MAP2K6: variants seen among roughly 807,000 people sequenced by gnomAD.
MAP2K6 encodes the protein mitogen-activated protein kinase kinase 6.
A neutral mutation model predicts 53.7 loss-of-function variants in MAP2K6; 16 were observed. That is an observed-to-expected ratio of 0.30 (90% CI 0.20 to 0.45). The LOEUF (loss-of-function observed/expected upper bound fraction) is 0.45. Ranked by LOEUF, MAP2K6 falls within the 20% of genes least tolerant of loss-of-function variation. The probability of loss-of-function intolerance (pLI) is 1.00; values close to 1 mark genes in which losing one functional copy is unlikely to be tolerated. For missense variants in MAP2K6, 204 were observed against 411.9 expected (o/e 0.50, Z 4.37); for synonymous variants, 132 against 143.1 (o/e 0.92, Z 0.55).
At chr17:69,493,223 C>T (rs1908816176) in intron 1 of MAP2K6, among the ~76,000 whole-genome samples, 1 of 151,758 alleles carries the variant, frequency 6.6e-6, no homozygotes, top group South Asian at 2.1e-4. Flanking sequence ...AATGTTTTTA[C>T]CTTATGAAAA....
rs1911899568 is a variant in MAP2K6 at position 69,546,920 on chromosome 17, A to T, written c.*5167A>T. 1 of 151,810 alleles carries T rather than the reference A, an allele frequency of 6.6e-6. No individual in the cohort carries two copies. The highest frequency in any genetic ancestry group is 2.4e-5 in the African/African-American group (1 of 41,316). 9.4% of individuals were successfully genotyped at this position (151,810 alleles called of 1,614,324 possible). On this transcript the variant is annotated 3_prime_UTR_variant, in exon 12 of 12. Coordinates refer to ENST00000590474, the MANE Select transcript of MAP2K6 (RefSeq NM_002758.4). ...GGCCTCTGAAAATTTACATAGTCAGATGGAAAAATGCCAGAGTAAAATCTA... is the reference window on the plus strand; with the variant it reads ...GGCCTCTGAAAATTTACATAGTCAGTTGGAAAAATGCCAGAGTAAAATCTA...
chr17:69,421,065 A>C (rs568818298), intron 1 of MAP2K6, among the ~76,000 whole-genome samples: 2 of 152,310 alleles, frequency 1.3e-5, no homozygotes, highest in South Asian at 4.1e-4. Context: ...ATATCTTTAC[A>C]TCTCTGACTC....
chr17:69,477,467 A>G (rs1908192510), intron 1 of MAP2K6: 1 of 152,240 alleles, frequency 6.6e-6, no homozygotes. Context: ...GGCATCTGGT[A>G]CAGCCAAAAA....
Position 69,541,709 on chromosome 17 carries a change from G to A in MAP2K6, c.961G>A (p.Gly321Arg), listed in dbSNP as rs1307184813. 22 of 1,612,806 alleles carry A rather than the reference G, an allele frequency of 1.4e-5. No homozygotes were observed. Among genetic ancestry groups the A allele is most frequent in the Non-Finnish European group, 1.8e-5 (21 of 1,179,142 alleles). ...ATTTTTCACCCTACATGAATCCAAA[G>A]GAACAGATGTGGCATCTTTTGTAAA... Reference protein sequence around the residue: ...HPFFTLHESKGTDVASFVKLI... With the variant: ...HPFFTLHESKRTDVASFVKLI... The change falls in exon 12 of 12, where the codon GGA becomes AGA. Residue 321 changes from glycine to arginine, a missense_variant. Around this residue, in one of 3 missense-constraint regions of MAP2K6, gnomAD observed 47 missense variants for 62.3 expected, o/e 0.75. Transcript: ENST00000590474.
chr17:69,487,303 G>A (rs572930026), intron 1 of MAP2K6, among the ~76,000 whole-genome samples: 7 of 152,300 alleles, frequency 4.6e-5, no homozygotes, highest in Admixed American at 4.6e-4. Context: ...CTCTGTGTAT[G>A]TGGACAAGGT....
chr17:69,455,080 T>G (rs569932412), intron 1 of MAP2K6, among the ~76,000 whole-genome samples: 1 of 151,920 alleles, frequency 6.6e-6, no homozygotes, highest in Admixed American at 6.6e-5. Context: ...TACAATGTTC[T>G]GAAGAATTTT....
intron 1 of MAP2K6, among the ~76,000 whole-genome samples, chr17:69,456,822 AAATCC>A (rs1907424512): frequency 6.6e-6 from 1 of 152,094 alleles, no homozygotes; most frequent in African/African-American, 2.4e-5. Context: ...ATCACTCTAC[AAATCC>A]CTGCCCTGCA....
rs1910227312 is a variant in MAP2K6 at position 69,517,617 on chromosome 17, G to C, written c.246+4G>C. ...CGGGCAGATCATGGCAGTGAAGGTA[G>C]AGTTGACATTCTCCCAAATGTTTTA... On this transcript the variant is annotated splice_donor_region_variant and intron_variant, in intron 4 of 11. Transcript: ENST00000590474. 2.5e-6 allele frequency: 4 copies of C among 1,586,528 alleles called. No homozygotes were observed. Among genetic ancestry groups the C allele is most frequent in the Middle Eastern group, 3.4e-4 (2 of 5,970 alleles).
chr17:69,505,788 C>T lies in MAP2K6; in HGVS notation c.25C>T (p.Arg9Ter), dbSNP rs1274652122. The change falls in exon 2 of 12, where the codon CGA (arginine) becomes TGA (stop). Residue 9 changes from arginine (R) to a stop codon, truncating the protein, a stop_gained. Transcript: ENST00000590474. LOFTEE classifies it high-confidence loss of function. ...TTTGTCTTTCCCCATAGGCAAGAAG[C>T]GAAACCCTGGCCTTAAAATTCCAAA... is the stretch of plus-strand genomic sequence containing the variant. MSQSKGKK[R>*]NPGLKIPKEA... The T allele has an allele frequency of 6.2e-7, 1 of 1,613,542 alleles. No individual in the cohort carries two copies. The highest frequency in any genetic ancestry group is 8.5e-7 in the Non-Finnish European group (1 of 1,179,574).
rs1331460345 is a variant in MAP2K6 at position 69,553,159 on chromosome 17, G to A, written c.*11406G>A. Reference sequence around the variant, plus strand: ...GATGATTGACTTCTATCAGTCAGTAGACAAGGAAGTATAATAATTGCCAAA... The same window carrying A: ...GATGATTGACTTCTATCAGTCAGTAAACAAGGAAGTATAATAATTGCCAAA... On this transcript the variant is annotated 3_prime_UTR_variant, in exon 12 of 12. Transcript: ENST00000590474. 6.6e-6 allele frequency: 1 copy of A among 152,192 alleles called. No homozygotes were observed. The highest frequency in any genetic ancestry group is 2.4e-5 in the African/African-American group (1 of 41,454). The allele number at this position is 152,192 out of a possible 1,614,324, so 9.4% of individuals were successfully genotyped here.
intron 6 of MAP2K6, 31 bp downstream of exon 6, chr17:69,520,417 T>C (rs1380857358): frequency 6.1e-6 from 8 of 1,317,922 alleles, no homozygotes; most frequent in African/African-American, 1.5e-5. Flanking sequence ...ACTGCAAGGA[T>C]AATGTGAGAA....
intron 7 of MAP2K6, chr17:69,521,873 G>C (rs1910502923): frequency 6.6e-6 from 1 of 150,432 alleles, no homozygotes; most frequent in African/African-American, 2.5e-5. Context: ...GGGTGCCGTG[G>C]TTCATGCCTA....
chr17:69,431,653 C>T (rs919032727), intron 1 of MAP2K6, among the ~76,000 whole-genome samples: 5 of 152,110 alleles, frequency 3.3e-5, no homozygotes, highest in African/African-American at 1.2e-4. Context: ...TTCTCTGACT[C>T]CCTCCCTCTT....
At chr17:69,419,410 C>T (rs1038425776) in intron 1 of MAP2K6, among the ~76,000 whole-genome samples, 2 of 152,166 alleles carry the variant, frequency 1.3e-5, no homozygotes, top group African/African-American at 4.8e-5. Context: ...TCTGTCCTTT[C>T]AAGCATAATG....
rs1334331363 is a variant in MAP2K6 at position 69,493,701 on chromosome 17, C to T, written c.17-12079C>T. 1.3e-5 allele frequency among the ~76,000 whole-genome samples: 2 copies of T among 151,566 alleles called. 1 individual carries two copies. The highest frequency in any genetic ancestry group is 4.2e-4 in the South Asian group (2 of 4,806). On this transcript the variant is annotated intron_variant, in intron 1 of 11. Coordinates refer to ENST00000590474, the MANE Select transcript of MAP2K6 (RefSeq NM_002758.4). Reference sequence around the variant, plus strand: ...TCTTGAACCCGGGAGACAGAGGTTGCAATGAGCTGAGATCGTGCCATTGCA... The same window carrying T: ...TCTTGAACCCGGGAGACAGAGGTTGTAATGAGCTGAGATCGTGCCATTGCA...
intron 1 of MAP2K6, among the ~76,000 whole-genome samples, chr17:69,497,964 C>T (rs943107102): frequency 1.8e-4 from 28 of 152,032 alleles, no homozygotes; most frequent in Non-Finnish European, 3.8e-4. Context: ...CTCAGTGTTG[C>T]TTGTCTTGCT....
intron 1 of MAP2K6, among the ~76,000 whole-genome samples, chr17:69,501,088 G>A (rs1909152883): frequency 1.3e-5 from 2 of 152,330 alleles, no homozygotes; most frequent in African/African-American, 4.8e-5. Flanking sequence ...GGAGAGGGCA[G>A]CCAAGGCCTC....
chr17:69,515,243 G>A (rs1287955206), intron 2 of MAP2K6, among the ~76,000 whole-genome samples: 1 of 150,770 alleles, frequency 6.6e-6, no homozygotes, highest in Non-Finnish European at 1.5e-5. Flanking sequence ...TGCAACCTCC[G>A]CCTTCCGGGT....
chr17:69,504,100 T>C (rs1230653401), intron 1 of MAP2K6, among the ~76,000 whole-genome samples: 1 of 152,152 alleles, frequency 6.6e-6, no homozygotes, highest in Non-Finnish European at 1.5e-5. Flanking sequence ...ACCTCTGTGA[T>C]GTGGAGCAAG....
Sources: gnomAD v4.1 joint callset for allele counts (sites outside exome capture counted in the v4.1 genomes callset) on GRCh38, gnomAD v4.1.1 for gene constraint, gnomAD v4.1.1 regional missense constraint, MANE v1.5 for transcripts, NCBI Gene and HGNC (gene_info 2026-07-23, HGNC 2026-07-21) for gene names.